The following SLC25A31 variants were observed in gnomAD, a reference collection of about 807,000 sequenced individuals.
The protein encoded by SLC25A31 is solute carrier family 25 member 31.
A neutral mutation model predicts 36.2 loss-of-function variants in SLC25A31; 40 were observed. The ratio of observed to expected loss-of-function variants is 1.10; its 90% confidence interval spans 0.86 to 1.44. SLC25A31 has a LOEUF of 1.44. SLC25A31 is among the 40% of genes most tolerant of loss of function. The pLI is 0.00. For synonymous variants in SLC25A31, 143 were observed against 149.7 expected, an observed-to-expected ratio of 0.96 and a Z score of 0.32; for missense variants, 350 against 397.1, an observed-to-expected ratio of 0.88 and a Z score of 1.01.
intron 2 of SLC25A31, among the ~76,000 whole-genome samples, chr4:127,753,843 C>T (rs1578664238): frequency 1.3e-5 from 2 of 152,174 alleles, no homozygotes; most frequent in East Asian, 3.9e-4. Context: ...ACCAAAGCAC[C>T]AGAGAAGGAC....
intron 2 of SLC25A31, among the ~76,000 whole-genome samples, chr4:127,749,708 C>CAAAAAAA (rs34540386): frequency 1.9e-5 from 2 of 106,160 alleles, no homozygotes; most frequent in African/African-American, 7.2e-5. Flanking sequence ...GACTCCATCT[C>CAAAAAAA]AAAAAAAAAA....
intron 1 of SLC25A31, among the ~76,000 whole-genome samples, chr4:127,740,301 CTG>C (rs1207413662): frequency 6.6e-6 from 1 of 152,022 alleles, no homozygotes; most frequent in African/African-American, 2.4e-5. Context: ...GGGGGTGTAA[CTG>C]TAGACAGTGT....
rs984716231 is a variant in SLC25A31, at chr4:127,730,501, A to G, written c.-45A>G. 6.3e-7 allele frequency: 1 copy of G among 1,581,056 alleles called. No individual in the cohort carries two copies. Among genetic ancestry groups the G allele is most frequent in the Admixed American group, 1.7e-5 (1 of 59,538 alleles). ...CGCTTCCCTTCATCGTAGCTCCCGTACTCATTTTTAGCCACTGCTGCCGGT... is the reference window on the plus strand; with the variant it reads ...CGCTTCCCTTCATCGTAGCTCCCGTGCTCATTTTTAGCCACTGCTGCCGGT... On this transcript the variant is annotated 5_prime_UTR_variant, in exon 1 of 6. Coordinates refer to ENST00000281154, the MANE Select transcript of SLC25A31 (RefSeq NM_031291.4).
chr4:127,744,913 G>T, intron 2 of SLC25A31, 114 bp downstream of exon 2: 1 of 816,984 alleles, frequency 1.2e-6, no homozygotes, highest in Non-Finnish European at 1.7e-6. Flanking sequence ...CTTTAAAATG[G>T]TTAGATTTGT....
At chr4:127,769,408 T>C (rs926814037) in intron 5 of SLC25A31, among the ~76,000 whole-genome samples, 2 of 152,108 alleles carry the variant, frequency 1.3e-5, no homozygotes, top group Non-Finnish European at 2.9e-5. Flanking sequence ...CACCCCAAAA[T>C]TCAAAATGTT....
At chr4:127,767,031 A>G (rs1437787992) in intron 3 of SLC25A31, 35 bp from the exon 4 acceptor site, 25 of 1,569,380 alleles carry the variant, frequency 1.6e-5, no homozygotes, top group Non-Finnish European at 2.1e-5. Flanking sequence ...TGGATATATA[A>G]TGTTGCTAAT....
chr4:127,771,631 C>T (rs1290167156), intron 5 of SLC25A31, among the ~76,000 whole-genome samples: 1 of 152,118 alleles, frequency 6.6e-6, no homozygotes, highest in African/African-American at 2.4e-5. Flanking sequence ...ACTGAGACCC[C>T]GGATTCAGTG....
chr4:127,758,290 G>A (rs1354924703), intron 2 of SLC25A31, among the ~76,000 whole-genome samples: 1 of 152,180 alleles, frequency 6.6e-6, no homozygotes, highest in Non-Finnish European at 1.5e-5. Context: ...CATCTTTTGA[G>A]AAATGTCTGT....
rs769581008 is a variant in SLC25A31, at chr4:127,730,789, C to T, written c.232+12C>T. 9 of 1,595,936 alleles carry T rather than the reference C, an allele frequency of 5.6e-6. No individual in the cohort carries two copies. In the Admixed American group the frequency reaches 1.5e-4, roughly 27 times the overall value. On this transcript the variant is annotated intron_variant, in intron 1 of 5. Transcript: ENST00000281154. ...TCCTCGCGAGCAGGGTGCGTCAAGG[C>T]AGGCCGCCCCGACAGCCTCTCCCGG... is the stretch of plus-strand genomic sequence containing the variant.
chr4:127,739,225 C>G lies in SLC25A31; in HGVS notation c.233-5447C>G, dbSNP rs6814059. Among the ~76,000 whole-genome samples the G allele has an allele frequency of 5.2e-3, 788 of 152,176 alleles. 4 individuals carry two copies. Among genetic ancestry groups the G allele is most frequent in the African/African-American group, 0.018 (759 of 41,538 alleles). ...TATGTTAACAGTGTTTTTGTGGTAG[C>G]AGGTATTTTTCTTTCATTTCCATGT... is the stretch of plus-strand genomic sequence containing the variant. On this transcript the variant is annotated intron_variant, in intron 1 of 5. Coordinates refer to ENST00000281154, the MANE Select transcript of SLC25A31 (RefSeq NM_031291.4).
chr4:127,768,581 TG>T (rs1275976831), intron 4 of SLC25A31, among the ~76,000 whole-genome samples, 170 bp from the exon 5 acceptor site: 1 of 152,174 alleles, frequency 6.6e-6, no homozygotes, highest in East Asian at 1.9e-4. Context: ...AATATAGTCA[TG>T]TGTGGCATTC....
intron 1 of SLC25A31, among the ~76,000 whole-genome samples, chr4:127,731,742 A>G (rs1357158333): frequency 6.6e-6 from 1 of 152,124 alleles, no homozygotes; most frequent in Non-Finnish European, 1.5e-5. Context: ...TCTTTCAACT[A>G]GAGAGAGAGC....
At chr4:127,737,523 C>T (rs1196924376) in intron 1 of SLC25A31, among the ~76,000 whole-genome samples, 4 of 151,916 alleles carry the variant, frequency 2.6e-5, no homozygotes, top group African/African-American at 9.7e-5. Flanking sequence ...ATGTTCAGTA[C>T]GCTAATCAAA....
At chr4:127,752,683 A>G (rs898793239) in intron 2 of SLC25A31, among the ~76,000 whole-genome samples, 8 of 152,224 alleles carry the variant, frequency 5.3e-5, no homozygotes, top group East Asian at 1.9e-4. Flanking sequence ...ATGTCATTAC[A>G]TAATGATAAA....
At chr4:127,757,137 A>T (rs554037740) in intron 2 of SLC25A31, among the ~76,000 whole-genome samples, 2 of 152,340 alleles carry the variant, frequency 1.3e-5, no homozygotes, top group Admixed American at 6.5e-5. Context: ...GTAGAAAGGA[A>T]GAAAATTTTA....
chr4:127,730,992 C>G (rs902214563), intron 1 of SLC25A31, among the ~76,000 whole-genome samples: 1 of 152,194 alleles, frequency 6.6e-6, no homozygotes, highest in Non-Finnish European at 1.5e-5. Context: ...GTCCTGGTAC[C>G]GGGGAGACCA....
At position 127,773,087 on chromosome 4, in the gene SLC25A31, T is replaced by C. The variant is rs192849224; in HGVS notation, c.760-299T>C. On this transcript the variant is annotated intron_variant, in intron 5 of 5. Transcript: ENST00000281154. ...CATGAGCCACCATGCCTAGCCCATA[T>C]GGTATTTTTCTATTTTGCTATTGAT... Among the ~76,000 whole-genome samples, 552 of 152,260 alleles carry C rather than the reference T, an allele frequency of 3.6e-3. 1 individual carries two copies. The highest frequency in any genetic ancestry group is 9.8e-3 in the South Asian group (47 of 4,816).
At chr4:127,737,277 G>C (rs1277086990) in intron 1 of SLC25A31, among the ~76,000 whole-genome samples, 1 of 152,168 alleles carries the variant, frequency 6.6e-6, no homozygotes, top group East Asian at 1.9e-4. Flanking sequence ...AGAATTGCCT[G>C]CTATACTACT....
intron 2 of SLC25A31, among the ~76,000 whole-genome samples, chr4:127,753,353 G>A (rs1171510738): frequency 6.6e-6 from 1 of 151,994 alleles, no homozygotes; most frequent in Non-Finnish European, 1.5e-5. Context: ...AAATGAAATA[G>A]AGACTAGAGA....
Sources: gnomAD v4.1 joint callset for allele counts (sites outside exome capture counted in the v4.1 genomes callset) on GRCh38, gnomAD v4.1.1 for gene constraint, MANE v1.5 for transcripts, NCBI Gene and HGNC (gene_info 2026-07-23, HGNC 2026-07-21) for gene names.